The following TENM2 variants were observed in gnomAD, a reference collection of about 807,000 sequenced individuals.
TENM2 encodes teneurin-2.
In TENM2, 52 loss-of-function variants were observed where a neutral mutation model predicts 245.2. The observed-to-expected ratio is 0.21, with a 90% CI of 0.17 to 0.27. TENM2 has a LOEUF of 0.27. Ranked by LOEUF, TENM2 falls within the 10% of genes least tolerant of loss-of-function variation. TENM2 has a pLI of 1.00. For missense variants in TENM2, 3,046 were observed against 3,666.8 expected, an observed-to-expected ratio of 0.83 and a Z score of 4.37; for synonymous variants, 1,363 against 1,438.9, an observed-to-expected ratio of 0.95 and a Z score of 1.19.
At chr5:167,027,930 C>T in the TENM2 span, among the ~76,000 whole-genome samples, 1 of 151,732 alleles carries the variant, frequency 6.6e-6, no homozygotes, top group Non-Finnish European at 1.5e-5. Flanking sequence ...ATTAGCCGGG[C>T]CTTGGTGGCG....
At chr5:167,491,274 T>C (rs2127542756) in intron 2 of TENM2, among the ~76,000 whole-genome samples, 1 of 152,282 alleles carries the variant, frequency 6.6e-6, no homozygotes, top group South Asian at 2.1e-4. Context: ...CATACAGTAT[T>C]CCACAACTGA....
chr5:167,376,433 C>T (rs1760756021), intron 2 of TENM2, among the ~76,000 whole-genome samples: 1 of 152,068 alleles, frequency 6.6e-6, no homozygotes, highest in South Asian at 2.1e-4. Context: ...GCCAGAGCAG[C>T]TTTAAGTATT....
At chr5:167,275,309 T>C in the TENM2 span, among the ~76,000 whole-genome samples, 9 of 152,132 alleles carry the variant, frequency 5.9e-5, no homozygotes, top group Admixed American at 4.6e-4. Flanking sequence ...CCTCCCACTT[T>C]CTTCTTTTTT....
chr5:167,562,127 A>G (rs1773632098), intron 2 of TENM2, among the ~76,000 whole-genome samples: 1 of 152,194 alleles, frequency 6.6e-6, no homozygotes. Flanking sequence ...GCTCCCAGTC[A>G]TTCAGGGCAC....
At chr5:167,073,402 G>C in the TENM2 span, among the ~76,000 whole-genome samples, 2 of 152,256 alleles carry the variant, frequency 1.3e-5, no homozygotes, top group South Asian at 2.1e-4. Context: ...TCTGCCTCAA[G>C]TTGTGTTTGC....
intron 12 of TENM2, among the ~76,000 whole-genome samples, chr5:168,150,931 A>G (rs187278308): frequency 3.0e-4 from 45 of 152,308 alleles, no homozygotes; most frequent in Non-Finnish European, 5.3e-4. Flanking sequence ...ATTTCATACC[A>G]TCCTTGAAGT....
At chr5:167,642,535 A>G (rs897841507) in intron 2 of TENM2, among the ~76,000 whole-genome samples, 10 of 152,102 alleles carry the variant, frequency 6.6e-5, no homozygotes, top group African/African-American at 1.4e-4. Flanking sequence ...TTTTTTATAC[A>G]CACACACACT....
At chr5:168,221,565 C>T (rs1763673690) in intron 23 of TENM2, among the ~76,000 whole-genome samples, 2 of 152,140 alleles carry the variant, frequency 1.3e-5, no homozygotes, top group South Asian at 4.1e-4. Context: ...CTCAATAAGA[C>T]CAGCCTATCA....
intron 2 of TENM2, among the ~76,000 whole-genome samples, chr5:167,676,876 T>C (rs191097202): frequency 6.6e-5 from 10 of 152,258 alleles, no homozygotes; most frequent in Admixed American, 5.9e-4. Flanking sequence ...GTGACTCTTA[T>C]GTGTTTTGTC....
At chr5:167,479,267 A>G (rs1767605080) in intron 2 of TENM2, among the ~76,000 whole-genome samples, 1 of 152,158 alleles carries the variant, frequency 6.6e-6, no homozygotes, top group African/African-American at 2.4e-5. Flanking sequence ...CTCAATCCCT[A>G]AACTACTCAG....
In TENM2 at chr5:167,500,913, C is replaced by T. The variant is rs1276220225; in HGVS notation, c.502+125440C>T. 2.6e-5 allele frequency among the ~76,000 whole-genome samples: 4 copies of T among 152,022 alleles called. No homozygotes were observed. The East Asian group carries it at 7.7e-4, about 29-fold the overall frequency. ...ACTAAATGTCCTCCTTAGTTTGACT[C>T]CAAGACTCACAACTGCTCATTTTTC... On this transcript the variant is annotated intron_variant, in intron 2 of 28. Coordinates refer to ENST00000518659, the Ensembl canonical transcript of TENM2.
At chr5:167,702,552 G>GTGTGTGTGTGTATA (rs58351767) in intron 2 of TENM2, among the ~76,000 whole-genome samples, 3 of 136,780 alleles carry the variant, frequency 2.2e-5, no homozygotes, top group African/African-American at 8.6e-5. Flanking sequence ...GTGTGTGTGT[G>GTGTGTGTGTGTATA]TATATATATA....
At chr5:168,009,172 C>T (rs1785042588) in intron 5 of TENM2, among the ~76,000 whole-genome samples, 1 of 152,230 alleles carries the variant, frequency 6.6e-6, no homozygotes. Context: ...CCCTCCGGGA[C>T]TTGAAGGCAC....
chr5:167,967,061 CA>C (rs1245242337), intron 4 of TENM2: 1 of 152,176 alleles, frequency 6.6e-6, no homozygotes, highest in African/African-American at 2.4e-5. Flanking sequence ...TTTAATTTTG[CA>C]GTTTTCTTAG....
chr5:167,244,655 A>G, the TENM2 span, among the ~76,000 whole-genome samples: 3 of 152,184 alleles, frequency 2.0e-5, no homozygotes, highest in African/African-American at 7.2e-5. Flanking sequence ...CATCTGAGAG[A>G]AGCCCAGGGC....
Position 167,474,458 on chromosome 5 carries a change from A to G in TENM2, c.502+98985A>G, listed in dbSNP as rs188102174. On this transcript the variant is annotated intron_variant, in intron 2 of 28. Transcript: ENST00000518659. The stretch of plus-strand genomic sequence containing the variant: ...AACTCTTACTTTTCCCATTCACCCA[A>G]TAAGCAAATACTAATCTCCATGGTA... Among the ~76,000 whole-genome samples, 447 of 152,174 alleles carry G rather than the reference A, an allele frequency of 2.9e-3. 1 individual carries two copies. The highest frequency in any genetic ancestry group is 9.4e-3 in the African/African-American group (391 of 41,524).
chr5:167,114,164 C>T, the TENM2 span, among the ~76,000 whole-genome samples: 6 of 152,104 alleles, frequency 3.9e-5, no homozygotes, highest in East Asian at 1.9e-4. Flanking sequence ...CTCCATCAAA[C>T]GTTTTTCTTC....
rs527870092 is a variant in TENM2, at chr5:167,937,007, A to G, written c.713-15581A>G. ...CTTTAATTAACTTCTTTAATAGACA[A>G]ATAACATTTGTATATATTTATGGTA... On this transcript the variant is annotated intron_variant, in intron 3 of 28. Transcript: ENST00000518659. 3.9e-5 allele frequency among the ~76,000 whole-genome samples: 6 copies of G among 152,372 alleles called. No individual in the cohort carries two copies. The East Asian group carries it at 5.8e-4, about 15-fold the overall frequency.
the TENM2 span, among the ~76,000 whole-genome samples, chr5:166,993,868 T>G: frequency 6.6e-6 from 1 of 151,762 alleles, no homozygotes; most frequent in African/African-American, 2.4e-5. Context: ...GAAGCATGCT[T>G]TTGAAGAATT....
Sources: gnomAD v4.1 joint callset for allele counts (sites outside exome capture counted in the v4.1 genomes callset) on GRCh38, gnomAD v4.1.1 for gene constraint, MANE v1.5 for transcripts, NCBI Gene and HGNC (gene_info 2026-07-23, HGNC 2026-07-21) for gene names.